Variants in ITGAX observed in about 807,000 individuals in gnomAD.
ITGAX encodes the protein integrin alpha-X.
A neutral mutation model predicts 140.2 loss-of-function variants in ITGAX; 99 were observed. The ratio of observed to expected loss-of-function variants is 0.71; its 90% CI spans 0.60 to 0.83. The LOEUF is 0.83. Ranked by LOEUF, ITGAX falls within the 40% of genes least tolerant of loss-of-function variation. ITGAX has a pLI of 0.00. For missense variants in ITGAX, 1,444 were observed against 1,482.0 expected (o/e 0.97, Z 0.42); for synonymous variants, 631 against 600.4 (o/e 1.05, Z -0.75).
chr16:31,359,000 A>G (rs1453670473), intron 5 of ITGAX, among the ~76,000 whole-genome samples: 4 of 151,274 alleles, frequency 2.6e-5, no homozygotes, highest in African/African-American at 9.7e-5. Flanking sequence ...AACAATTTTT[A>G]GTAGATGTGA....
In ITGAX at chr16:31,378,466, C is replaced by T. The variant is rs533015536; in HGVS notation, c.2790-1102C>T. 3.3e-5 allele frequency among the ~76,000 whole-genome samples: 5 copies of T among 150,802 alleles called. No homozygotes were observed. In the East Asian group the frequency reaches 7.7e-4, roughly 23 times the overall value. ...TCTGCAGGCAGCTATGAGCTCTTTG[C>T]CTCATTTTTTTTTTTTTAAAGCCCA... On this transcript the variant is annotated intron_variant, in intron 23 of 29. Coordinates refer to ENST00000268296, the MANE Select transcript of ITGAX (RefSeq NM_000887.5).
At chr16:31,376,419 A>T (rs1401754749) in intron 20 of ITGAX, among the ~76,000 whole-genome samples, 2 of 152,118 alleles carry the variant, frequency 1.3e-5, no homozygotes, top group Non-Finnish European at 2.9e-5. Flanking sequence ...CCAGGAGTTC[A>T]AGACCAGCCT....
chr16:31,378,344 C>T lies in ITGAX; in HGVS notation c.2789+1079C>T, dbSNP rs190499123. ...TCCCCACAAAGGGATGGAAGGAAAG[C>T]GGAGGGGCAGGCCATGGCCCCTGCT... On this transcript the variant is annotated intron_variant, in intron 23 of 29. Transcript: ENST00000268296. Among the ~76,000 whole-genome samples the T allele has an allele frequency of 2.0e-4, 30 of 152,362 alleles. No homozygotes were observed. The South Asian group carries it at 3.7e-3, about 19-fold the overall frequency.
Position 31,357,275 on chromosome 16 carries a change from A to G in ITGAX, c.341A>G (p.His114Arg). Residue 114 changes from histidine (H) to arginine (R), a missense_variant, in exon 5 of 30, where the codon CAC (histidine) becomes CGC (arginine). Coordinates refer to ENST00000268296, the MANE Select transcript of ITGAX (RefSeq NM_000887.5). ...QLLACGPTVH[H>R]ECGRNMYLTG... The stretch of plus-strand genomic sequence containing the variant: ...CAGGCCTGCGGCCCCACCGTGCACC[A>G]CGAGTGCGGGAGGAACATGTACCTC... 6.2e-7 allele frequency: 1 copy of G among 1,607,352 alleles called. No individual in the cohort carries two copies. Among genetic ancestry groups the G allele is most frequent in the Non-Finnish European group, 8.5e-7 (1 of 1,177,524 alleles).
chr16:31,372,597 C>T lies in ITGAX; in HGVS notation c.2293C>T (p.Leu765=), dbSNP rs759641721. The T allele has an allele frequency of 8.1e-6, 13 of 1,614,054 alleles. No homozygotes were observed. The Admixed American group carries it at 1.0e-4, about 12-fold the overall frequency. Reference sequence around the variant, plus strand: ...AACCCCCCGTTGCCTTCCCACGCAGCTACCCTTTGAGAAGAACTGTGGAGC... The same window carrying T: ...AACCCCCCGTTGCCTTCCCACGCAGTTACCCTTTGAGAAGAACTGTGGAGC... ...ADAQRYFTAS[L]PFEKNCGADH... Residue 765 remains leucine, a splice_region_variant and synonymous_variant, in exon 19 of 30, where the codon CTA becomes TTA. Transcript: ENST00000268296.
intron 17 of ITGAX, among the ~76,000 whole-genome samples, chr16:31,372,163 T>G (rs1188062716): frequency 4.6e-4 from 56 of 121,106 alleles, no homozygotes; most frequent in African/African-American, 7.5e-4. Flanking sequence ...GATCGGGAGG[T>G]CTGGGGGGGG....
intron 5 of ITGAX, 50 bp downstream of exon 5, chr16:31,357,414 G>A (rs1223445309): frequency 4.0e-6 from 5 of 1,241,398 alleles, no homozygotes; most frequent in East Asian, 2.5e-5. Flanking sequence ...ACATCCAATT[G>A]GGGGTGCGGT....
chr16:31,361,332 C>T (rs2080822832), intron 9 of ITGAX, 119 bp downstream of exon 9: 2 of 1,127,326 alleles, frequency 1.8e-6, no homozygotes, highest in East Asian at 2.4e-5. Context: ...TTTCCCGGGA[C>T]CCCGATAGCC....
chr16:31,359,589 A>T, intron 5 of ITGAX, 111 bp from the exon 6 acceptor site: 1 of 1,298,698 alleles, frequency 7.7e-7, no homozygotes, highest in Non-Finnish European at 1.1e-6. Context: ...TCGCCAGACT[A>T]GGGGCTTAGG....
intron 14 of ITGAX, among the ~76,000 whole-genome samples, chr16:31,365,307 C>T (rs187005392): frequency 6.6e-6 from 1 of 152,120 alleles, no homozygotes; most frequent in African/African-American, 2.4e-5. Flanking sequence ...TCACAACTCT[C>T]TAAACATACC....
intron 14 of ITGAX, among the ~76,000 whole-genome samples, chr16:31,368,862 G>A (rs1237484872): frequency 4.0e-5 from 6 of 151,602 alleles, no homozygotes; most frequent in African/African-American, 7.3e-5. Flanking sequence ...ATCTTGCACC[G>A]CCCTTAATCC....
chr16:31,381,689 G>A, intron 29 of ITGAX, 114 bp from the exon 30 acceptor site: 2 of 722,026 alleles, frequency 2.8e-6, no homozygotes, highest in South Asian at 3.3e-5. Flanking sequence ...TCCTAGTGCA[G>A]TGCTTTGAAC....
rs771361955 is a variant in ITGAX, at chr16:31,380,505, C to T, written c.3175-18C>T. 14 of 1,614,174 alleles carry T rather than the reference C, an allele frequency of 8.7e-6. No homozygotes were observed. Among genetic ancestry groups the T allele is most frequent in the South Asian group, 3.3e-5 (3 of 91,078 alleles). The stretch of plus-strand genomic sequence containing the variant: ...CCCCCAGAGCCAGTTCAACAGGTTT[C>T]CCCCAACCCCTTTGCAGATATTGCA... On this transcript the variant is annotated intron_variant, in intron 27 of 29. Transcript: ENST00000268296.
intron 23 of ITGAX, among the ~76,000 whole-genome samples, chr16:31,379,291 A>AT (rs1177724610): frequency 6.6e-6 from 1 of 151,712 alleles, no homozygotes; most frequent in Non-Finnish European, 1.5e-5. Context: ...TAATTTTTGT[A>AT]TTTTTAGTAG....
Position 31,380,634 on chromosome 16 carries a change from A to T in ITGAX, c.3276+10A>T. On this transcript the variant is annotated intron_variant, in intron 28 of 29. Transcript: ENST00000268296. ...ATTTATGAGAGCTCAGGTAGAGACC[A>T]TGTGGAGGGCAGCGACCAGGCTGGA... 1.9e-6 allele frequency: 3 copies of T among 1,614,044 alleles called. No homozygotes were observed. The highest frequency in any genetic ancestry group is 1.7e-5 in the Admixed American group (1 of 60,018).
Position 31,372,512 on chromosome 16 carries a change from G to A in ITGAX, c.2292+3G>A, listed in dbSNP as rs1490741283. The A allele has an allele frequency of 6.2e-7, 1 of 1,610,196 alleles. No homozygotes were observed. Among genetic ancestry groups the A allele is most frequent in the Non-Finnish European group, 8.5e-7 (1 of 1,178,972 alleles). ...CTCAGAGATACTTCACGGCCTCCGT[G>A]AGTCCTGGCACTGGGTCTCCCAGAG... On this transcript the variant is annotated splice_donor_region_variant and intron_variant, in intron 18 of 29. Coordinates refer to ENST00000268296, the MANE Select transcript of ITGAX (RefSeq NM_000887.5).
chr16:31,356,421 C>G, intron 2 of ITGAX: 2 of 544,858 alleles, frequency 3.7e-6, no homozygotes, highest in Non-Finnish European at 6.6e-6. Flanking sequence ...TGAGCCACCA[C>G]ACCCAGACTC....
intron 17 of ITGAX, 76 bp from the exon 18 acceptor site, chr16:31,372,302 T>C: frequency 2.0e-6 from 3 of 1,530,782 alleles, no homozygotes; most frequent in Non-Finnish European, 8.7e-7. Flanking sequence ...AGAGGCAGGA[T>C]AAGAACTGCG....
In ITGAX at chr16:31,371,513, T is replaced by C; in HGVS notation, c.2005+16T>C. 6.2e-7 allele frequency: 1 copy of C among 1,612,870 alleles called. No individual in the cohort carries two copies. Among genetic ancestry groups the C allele is most frequent in the Non-Finnish European group, 8.5e-7 (1 of 1,179,110 alleles). The stretch of plus-strand genomic sequence containing the variant: ...CTTGGGAGCCGTGAGTCCCCTCCCC[T>C]CCAACCCAGGACACCCTGACCTCTG... On this transcript the variant is annotated intron_variant, in intron 16 of 29. Coordinates refer to ENST00000268296, the MANE Select transcript of ITGAX (RefSeq NM_000887.5).
Sources: gnomAD v4.1 joint callset for allele counts (sites outside exome capture counted in the v4.1 genomes callset) on GRCh38, gnomAD v4.1.1 for gene constraint, MANE v1.5 for transcripts, NCBI Gene and HGNC (gene_info 2026-07-23, HGNC 2026-07-21) for gene names.